The following SLC5A8 variants were observed in gnomAD, a reference collection of about 807,000 sequenced individuals.
SLC5A8 encodes solute carrier family 5 member 8.
In SLC5A8, 55 loss-of-function variants were observed where a neutral mutation model predicts 71.9. That is an observed-to-expected ratio of 0.77 (90% CI 0.62 to 0.96). The LOEUF (loss-of-function observed/expected upper bound fraction) is 0.96, where lower values mean the gene tolerates loss of function less well. SLC5A8 is among the 40% of genes least tolerant of loss of function. The pLI is 0.00. For synonymous variants in SLC5A8, 307 were observed against 276.1 expected (o/e 1.11, Z -1.11); for missense variants, 701 against 745.3 (o/e 0.94, Z 0.69).
intron 1 of SLC5A8, among the ~76,000 whole-genome samples, chr12:101,207,845 G>A (rs1385394785): frequency 6.6e-6 from 1 of 152,006 alleles, no homozygotes; most frequent in African/African-American, 2.4e-5. Context: ...CTTTACCCCT[G>A]TCCATTTTGC....
intron 10 of SLC5A8, among the ~76,000 whole-genome samples, chr12:101,176,493 T>C (rs1453977529): frequency 1.3e-5 from 2 of 152,062 alleles, no homozygotes; most frequent in African/African-American, 4.8e-5. Context: ...ACACATTCTT[T>C]TCAAGTGCTC....
At chr12:101,205,156 G>GA (rs1869625472) in intron 1 of SLC5A8, among the ~76,000 whole-genome samples, 2 of 152,128 alleles carry the variant, frequency 1.3e-5, no homozygotes, top group Admixed American at 1.3e-4. Flanking sequence ...TTGGGTATTT[G>GA]AATCTTAAAG....
chr12:101,180,243 G>A (rs2051919649), intron 9 of SLC5A8, 147 bp from the exon 10 acceptor site: 1 of 800,260 alleles, frequency 1.2e-6, no homozygotes, highest in East Asian at 2.6e-5. Flanking sequence ...GTGAATAAAG[G>A]AAATGGCTAT....
intron 3 of SLC5A8, among the ~76,000 whole-genome samples, chr12:101,200,079 T>C (rs2137166522): frequency 9.0e-6 from 1 of 110,956 alleles, no homozygotes; most frequent in East Asian, 3.2e-4. Context: ...GATATATATG[T>C]AGCAGCATGA....
chr12:101,184,177 G>A lies in SLC5A8; in HGVS notation c.1009C>T (p.Leu337Phe), dbSNP rs142175729. Residue 337 changes from leucine to phenylalanine, a missense_variant, in exon 8 of 15, where the codon CTT (leucine) becomes TTT (phenylalanine). By Grantham distance (22) the Leu-to-Phe change is conservative. Transcript: ENST00000536262. ...VLDILQDYPG[L>F]PGLFVACAYS... ...GCACAGGCCACAAAAAGTCCAGGAAGTCCTGGATAATCTTGCAGAATGTCC... is the reference window on the plus strand; with the variant it reads ...GCACAGGCCACAAAAAGTCCAGGAAATCCTGGATAATCTTGCAGAATGTCC... 5.6e-3 allele frequency: 8,996 copies of A among 1,614,120 alleles called. 32 individuals carry two copies. The highest frequency in any genetic ancestry group is 6.9e-3 in the Non-Finnish European group (8,105 of 1,179,968).
In SLC5A8 at chr12:101,161,993, T is replaced by G; in HGVS notation, c.1611A>C (p.Ile537=). Residue 537 remains isoleucine (I), a synonymous_variant, in exon 13 of 15, where the codon ATA becomes ATC. Transcript: ENST00000536262. ...VGTLVTLLVG[I]LVSLSTGGRK... is the part of the protein sequence containing the mutation. ...AGTTACCTGTTGATAAACTGACAAG[T>G]ATCCCCACTAATAATGTTACCAAAG... is the stretch of plus-strand genomic sequence containing the variant. The G allele has an allele frequency of 6.2e-7, 1 of 1,611,950 alleles. No individual in the cohort carries two copies.
intron 9 of SLC5A8, 125 bp from the exon 10 acceptor site, chr12:101,180,221 A>C: frequency 1.1e-6 from 1 of 941,864 alleles, no homozygotes; most frequent in Non-Finnish European, 1.7e-6. Flanking sequence ...ATGGCCACAC[A>C]CATCAGAGCC....
intron 10 of SLC5A8, among the ~76,000 whole-genome samples, chr12:101,172,286 C>A (rs2051837041): frequency 1.3e-5 from 2 of 151,572 alleles, no homozygotes; most frequent in East Asian, 1.9e-4. Flanking sequence ...TGGGACAGTC[C>A]AGGTGGGTCA....
chr12:101,203,365 T>G (rs1488505159), intron 2 of SLC5A8, among the ~76,000 whole-genome samples: 1 of 152,226 alleles, frequency 6.6e-6, no homozygotes, highest in Non-Finnish European at 1.5e-5. Flanking sequence ...TTTTTTTTTT[T>G]GAAACAGAGT....
chr12:101,166,490 A>T lies in SLC5A8; in HGVS notation c.1526+4T>A. ...GTATAATGTAATAAAACTTAATTCAATACCTTTGAACATTGTATATTTGAA... is the reference window on the plus strand; with the variant it reads ...GTATAATGTAATAAAACTTAATTCATTACCTTTGAACATTGTATATTTGAA... On this transcript the variant is annotated splice_donor_region_variant and intron_variant, in intron 12 of 14. Coordinates refer to ENST00000536262, the MANE Select transcript of SLC5A8 (RefSeq NM_145913.5). The T allele has an allele frequency of 1.2e-6, 2 of 1,607,096 alleles. No individual in the cohort carries two copies. Among genetic ancestry groups the T allele is most frequent in the Non-Finnish European group, 1.7e-6 (2 of 1,177,506 alleles).
intron 12 of SLC5A8, among the ~76,000 whole-genome samples, chr12:101,166,138 A>G (rs116950495): frequency 4.9e-4 from 74 of 152,334 alleles, no homozygotes; most frequent in Non-Finnish European, 8.8e-4. Flanking sequence ...CTAAGACTAT[A>G]TAAGCAATAT....
chr12:101,163,343 T>A lies in SLC5A8; in HGVS notation c.1527-1266A>T, dbSNP rs563191888. Among the ~76,000 whole-genome samples, 10 of 152,228 alleles carry A rather than the reference T, an allele frequency of 6.6e-5. 1 individual carries two copies. The South Asian group carries it at 2.1e-3, about 32-fold the overall frequency. On this transcript the variant is annotated intron_variant, in intron 12 of 14. Transcript: ENST00000536262. ...AGAACAATATATAAAACCTGGGGCA[T>A]GGGGAGGGAGGCAGGTTTTTGAAGC...
At chr12:101,169,056 G>A (rs1207033960) in intron 10 of SLC5A8, among the ~76,000 whole-genome samples, 1 of 152,220 alleles carries the variant, frequency 6.6e-6, no homozygotes, top group African/African-American at 2.4e-5. Flanking sequence ...GTGGTACTGA[G>A]TAGAGAGGAG....
chr12:101,182,791 A>G lies in SLC5A8; in HGVS notation c.1165+12T>C. ...TCTGAGCTAAAATGGAATTATGAAA[A>G]CAGAAACTTACTCATTCCTTGGGAA... On this transcript the variant is annotated intron_variant, in intron 9 of 14. Coordinates refer to ENST00000536262, the MANE Select transcript of SLC5A8 (RefSeq NM_145913.5). The G allele has an allele frequency of 6.5e-7, 1 of 1,542,736 alleles. No homozygotes were observed. Among genetic ancestry groups the G allele is most frequent in the Non-Finnish European group, 8.8e-7 (1 of 1,137,174 alleles).
At chr12:101,179,646 G>A (rs1045603744) in intron 10 of SLC5A8, among the ~76,000 whole-genome samples, 2 of 152,192 alleles carry the variant, frequency 1.3e-5, no homozygotes, top group African/African-American at 4.8e-5. Context: ...AGGGGCAGAA[G>A]GGAAGTGGTT....
At chr12:101,188,046 T>C (rs1172341467) in intron 6 of SLC5A8, among the ~76,000 whole-genome samples, 2 of 152,176 alleles carry the variant, frequency 1.3e-5, no homozygotes, top group East Asian at 1.9e-4. Flanking sequence ...CACTGTAATA[T>C]ACTGTGTGTG....
intron 10 of SLC5A8, among the ~76,000 whole-genome samples, chr12:101,179,461 A>G (rs1254782682): frequency 1.3e-5 from 2 of 152,244 alleles, no homozygotes; most frequent in Non-Finnish European, 2.9e-5. Flanking sequence ...ATACTATCTG[A>G]TAATAAAACA....
intron 13 of SLC5A8, among the ~76,000 whole-genome samples, chr12:101,161,601 T>C (rs1033676057): frequency 6.6e-6 from 1 of 152,190 alleles, no homozygotes; most frequent in African/African-American, 2.4e-5. Context: ...TATAAAAATA[T>C]GTGTAAAATC....
intron 2 of SLC5A8, among the ~76,000 whole-genome samples, chr12:101,203,168 T>G (rs1395382854): frequency 6.6e-6 from 1 of 152,218 alleles, no homozygotes; most frequent in Non-Finnish European, 1.5e-5. Context: ...GAACAGTTGG[T>G]GAATGCAAGC....
Sources: gnomAD v4.1 joint callset for allele counts (sites outside exome capture counted in the v4.1 genomes callset) on GRCh38, gnomAD v4.1.1 for gene constraint, MANE v1.5 for transcripts, NCBI Gene and HGNC (gene_info 2026-07-23, HGNC 2026-07-21) for gene names.